The following NAALADL2 variants were observed in gnomAD, a reference collection of about 807,000 sequenced individuals.
NAALADL2 encodes the protein inactive N-acetylated-alpha-linked acidic dipeptidase-like protein 2.
A neutral mutation model predicts 87.2 loss-of-function variants in NAALADL2; 76 were observed. The observed-to-expected ratio is 0.87, with a 90% CI of 0.72 to 1.05. NAALADL2 has a LOEUF of 1.05. Ranked by LOEUF, NAALADL2 falls within the 50% of genes least tolerant of loss-of-function variation. The pLI, the probability that NAALADL2 is intolerant of heterozygous loss-of-function variation, is 0.00. For missense variants in NAALADL2, 1,089 were observed against 945.8 expected (o/e 1.15, Z -1.99); for synonymous variants, 354 against 331.0 (o/e 1.07, Z -0.75).
At chr3:175,254,757 T>A (rs1273547569) in intron 3 of NAALADL2, among the ~76,000 whole-genome samples, 1 of 152,320 alleles carries the variant, frequency 6.6e-6, no homozygotes, top group East Asian at 1.9e-4. Flanking sequence ...TAAAATCATA[T>A]ATCAACAGTT....
At chr3:175,044,040 T>C (rs2108985186) in intron 1 of NAALADL2, among the ~76,000 whole-genome samples, 1 of 152,272 alleles carries the variant, frequency 6.6e-6, no homozygotes, top group Non-Finnish European at 1.5e-5. Flanking sequence ...TTATGTCTTC[T>C]TCAATTTCTT....
chr3:175,752,987 T>G lies in NAALADL2; in HGVS notation c.1991-2233T>G, dbSNP rs574536389. Among the ~76,000 whole-genome samples, 11 of 152,254 alleles carry G rather than the reference T, an allele frequency of 7.2e-5. No individual in the cohort carries two copies. In the South Asian group the frequency reaches 2.1e-3, roughly 29 times the overall value. Reference sequence around the variant, plus strand: ...ATTAACTTTGCTGAACCATCAAAATTTAGGACAAACTATTTTCATAAAATG... The same window carrying G: ...ATTAACTTTGCTGAACCATCAAAATGTAGGACAAACTATTTTCATAAAATG... On this transcript the variant is annotated intron_variant, in intron 12 of 13. Coordinates refer to ENST00000454872, the MANE Select transcript of NAALADL2 (RefSeq NM_207015.3).
intron 1 of NAALADL2, among the ~76,000 whole-genome samples, chr3:174,999,701 T>C (rs1747975992): frequency 6.6e-6 from 1 of 152,232 alleles, no homozygotes. Context: ...TAGCATTGGC[T>C]AATTAACTAC....
At chr3:174,506,729 T>C in intron 1 of NAALADL2, among the ~76,000 whole-genome samples, 1 of 152,324 alleles carries the variant, frequency 6.6e-6, no homozygotes, top group Non-Finnish European at 1.5e-5. Context: ...AGTGCACCTT[T>C]ATCACACTCT....
chr3:175,252,827 T>C (rs1411628718), intron 3 of NAALADL2, among the ~76,000 whole-genome samples: 1 of 152,112 alleles, frequency 6.6e-6, no homozygotes, highest in Non-Finnish European at 1.5e-5. Context: ...GGATAGAAGA[T>C]CAAACAAACC....
chr3:175,109,847 G>A (rs373976692), intron 2 of NAALADL2, among the ~76,000 whole-genome samples: 9 of 151,760 alleles, frequency 5.9e-5, no homozygotes, highest in East Asian at 5.8e-4. Flanking sequence ...GAACCCACTC[G>A]TAAAGAGCAG....
intron 1 of NAALADL2, among the ~76,000 whole-genome samples, chr3:174,982,971 T>A (rs1201071480): frequency 6.6e-6 from 1 of 152,154 alleles, no homozygotes; most frequent in Non-Finnish European, 1.5e-5. Flanking sequence ...CTAATTTTTT[T>A]GTATTTTTAG....
intron 3 of NAALADL2, among the ~76,000 whole-genome samples, chr3:174,830,517 C>G (rs1175483111): frequency 6.6e-6 from 1 of 151,330 alleles, no homozygotes; most frequent in Non-Finnish European, 1.5e-5. Context: ...TTACTGTAGC[C>G]TTGTAGTATA....
intron 13 of NAALADL2, among the ~76,000 whole-genome samples, chr3:175,756,995 AT>A (rs916960022): frequency 1.3e-5 from 2 of 151,086 alleles, no homozygotes; most frequent in African/African-American, 4.9e-5. Context: ...GTGTATATAT[AT>A]TTTTTATATG....
intron 2 of NAALADL2, among the ~76,000 whole-genome samples, chr3:175,114,434 T>G (rs1724751690): frequency 6.6e-6 from 1 of 151,664 alleles, no homozygotes; most frequent in South Asian, 2.1e-4. Flanking sequence ...CTTTAGGCTG[T>G]GGGGAATGTG....
At chr3:175,093,274 T>C (rs1720484069) in intron 1 of NAALADL2, among the ~76,000 whole-genome samples, 1 of 151,572 alleles carries the variant, frequency 6.6e-6, no homozygotes, top group African/African-American at 2.4e-5. Context: ...GATATGTTTT[T>C]GTCTCACAGG....
At chr3:175,324,062 G>GAA in intron 4 of NAALADL2, 113 bp from the exon 5 acceptor site, 7 of 618,268 alleles carry the variant, frequency 1.1e-5, no homozygotes, top group Admixed American at 3.3e-5. Context: ...AAAAGAAAAA[G>GAA]AAAAAAAAAC....
At chr3:174,450,020 T>TACACACACACACAC (rs35861742) in intron 1 of NAALADL2, among the ~76,000 whole-genome samples, 12 of 148,778 alleles carry the variant, frequency 8.1e-5, no homozygotes, top group African/African-American at 3.0e-4. Context: ...AACACATACA[T>TACACACACACACAC]ACACACACAC....
chr3:175,590,573 T>A (rs1357957807), intron 10 of NAALADL2, among the ~76,000 whole-genome samples: 2 of 152,146 alleles, frequency 1.3e-5, no homozygotes, highest in African/African-American at 4.8e-5. Context: ...GGTATGAATC[T>A]ATCTGCAGAT....
At chr3:175,553,963 C>T (rs1197594816) in intron 9 of NAALADL2, among the ~76,000 whole-genome samples, 4 of 152,066 alleles carry the variant, frequency 2.6e-5, no homozygotes, top group Admixed American at 6.6e-5. Context: ...GTAAACACAA[C>T]ATTATCAACT....
intron 1 of NAALADL2, among the ~76,000 whole-genome samples, chr3:174,976,256 C>T (rs1416029432): frequency 6.6e-6 from 1 of 151,982 alleles, no homozygotes; most frequent in African/African-American, 2.4e-5. Flanking sequence ...AGATTTTAAT[C>T]ATAATTTAAT....
intron 11 of NAALADL2, among the ~76,000 whole-genome samples, chr3:175,728,922 T>G (rs1001804390): frequency 3.3e-5 from 5 of 152,174 alleles, no homozygotes; most frequent in African/African-American, 1.2e-4. Flanking sequence ...CTTGTTTTAC[T>G]CTAAAAGTAA....
intron 1 of NAALADL2, among the ~76,000 whole-genome samples, chr3:174,451,069 G>T (rs1167094719): frequency 6.6e-6 from 1 of 152,106 alleles, no homozygotes; most frequent in Non-Finnish European, 1.5e-5. Flanking sequence ...ACATTTTTAA[G>T]AGTAACACAA....
At chr3:175,439,314 A>AT (rs201722612) in intron 5 of NAALADL2, among the ~76,000 whole-genome samples, 5,795 of 147,728 alleles carry the variant, frequency 0.039, 270 homozygotes, top group East Asian at 0.15. Context: ...ATGTGCAAGT[A>AT]TTTTTTTTTT....
Sources: allele counts gnomAD v4.1 joint callset (sites outside exome capture counted in the v4.1 genomes callset), GRCh38; gene constraint gnomAD v4.1.1; transcripts MANE v1.5; gene names NCBI Gene and HGNC (gene_info 2026-07-23, HGNC 2026-07-21).